Variants in IPO11 observed in about 807,000 individuals in gnomAD.
IPO11 encodes importin-11.
Under a neutral mutation model 143.2 loss-of-function variants are expected in IPO11, and 66 were observed. The ratio of observed to expected loss-of-function variants is 0.46; its 90% CI spans 0.38 to 0.57. The LOEUF (loss-of-function observed/expected upper bound fraction) is 0.57. Among genes scored for constraint, IPO11 ranks in the 20% least tolerant of loss-of-function variants. IPO11 has a pLI of 0.00. For synonymous variants in IPO11, 385 were observed against 377.8 expected (o/e 1.02, Z -0.22); for missense variants, 1,026 against 1,141.0 (o/e 0.90, Z 1.45).
At chr5:62,522,316 A>C (rs112554207) in intron 20 of IPO11, among the ~76,000 whole-genome samples, 4 of 148,856 alleles carry the variant, frequency 2.7e-5, no homozygotes, top group Non-Finnish European at 5.9e-5. Flanking sequence ...ACAGGATCTC[A>C]CTCTGTTGCC....
At chr5:62,575,385 C>T (rs912257667) in intron 27 of IPO11, among the ~76,000 whole-genome samples, 1 of 152,216 alleles carries the variant, frequency 6.6e-6, no homozygotes, top group African/African-American at 2.4e-5. Context: ...TGGTCTCTTA[C>T]TCCTCAGTAC....
At chr5:62,466,598 G>A (rs1412104778) in intron 5 of IPO11, among the ~76,000 whole-genome samples, 1 of 152,192 alleles carries the variant, frequency 6.6e-6, no homozygotes, top group African/African-American at 2.4e-5. Flanking sequence ...CATTCTTAAT[G>A]TGAGGGTCAG....
chr5:62,561,965 C>T (rs1170895198), intron 27 of IPO11: 1 of 152,210 alleles, frequency 6.6e-6, no homozygotes, highest in Non-Finnish European at 1.5e-5. Flanking sequence ...GACAACTGCA[C>T]ATGGATGTGG....
At chr5:62,548,233 T>A (rs908599975) in intron 24 of IPO11, among the ~76,000 whole-genome samples, 1 of 151,890 alleles carries the variant, frequency 6.6e-6, no homozygotes. Flanking sequence ...CTGGAAGTAA[T>A]ACTTACCTTT....
chr5:62,434,016 A>G (rs1187436586), intron 1 of IPO11, among the ~76,000 whole-genome samples: 1 of 152,098 alleles, frequency 6.6e-6, no homozygotes, highest in Non-Finnish European at 1.5e-5. Flanking sequence ...TTATACCTAT[A>G]TGAAAAGCCT....
intron 1 of IPO11, among the ~76,000 whole-genome samples, chr5:62,421,237 C>T (rs1431118927): frequency 6.6e-6 from 1 of 152,126 alleles, no homozygotes; most frequent in Non-Finnish European, 1.5e-5. Context: ...CACAAGGGTT[C>T]CTTGTATATT....
chr5:62,558,584 G>C (rs531554494), intron 26 of IPO11, among the ~76,000 whole-genome samples: 2 of 152,112 alleles, frequency 1.3e-5, no homozygotes, highest in African/African-American at 2.4e-5. Flanking sequence ...ACTGGCAAAA[G>C]TAAAGAATTT....
intron 19 of IPO11, among the ~76,000 whole-genome samples, chr5:62,513,603 C>T (rs1326749851): frequency 3.4e-5 from 5 of 146,528 alleles, no homozygotes; most frequent in South Asian, 2.2e-4. Flanking sequence ...CCTGGCTGGG[C>T]AGAGGGACTC....
chr5:62,442,406 A>C (rs971736949), intron 2 of IPO11, among the ~76,000 whole-genome samples: 1 of 152,216 alleles, frequency 6.6e-6, no homozygotes, highest in Non-Finnish European at 1.5e-5. Flanking sequence ...CACACCTTAA[A>C]GCAGAATAGT....
intron 1 of IPO11, among the ~76,000 whole-genome samples, chr5:62,434,917 TGGGAGGCTAAGGCAG>T (rs1269843238): frequency 2.7e-5 from 4 of 150,918 alleles, no homozygotes; most frequent in African/African-American, 9.8e-5. Context: ...CGCAGCTACT[TGGGAGGCTAAGGCAG>T]GAGAATCACT....
chr5:62,451,312 C>G (rs1744917947), intron 4 of IPO11, among the ~76,000 whole-genome samples: 1 of 152,020 alleles, frequency 6.6e-6, no homozygotes, highest in Admixed American at 6.6e-5. Context: ...AAATAAAATA[C>G]TCATCAACAT....
intron 19 of IPO11, among the ~76,000 whole-genome samples, chr5:62,507,535 A>T (rs994645049): frequency 6.6e-6 from 1 of 152,204 alleles, no homozygotes; most frequent in Admixed American, 6.5e-5. Flanking sequence ...AATGGTAAAG[A>T]TAATTCTGAA....
intron 9 of IPO11, among the ~76,000 whole-genome samples, chr5:62,480,906 A>ATTTTTTTTTTTT (rs34947365): frequency 1.2e-5 from 1 of 84,964 alleles, no homozygotes; most frequent in Non-Finnish European, 2.3e-5. Flanking sequence ...TTCCTCTTTC[A>ATTTTTTTTTTTT]TTTTTTTTTT....
At chr5:62,543,594 T>G (rs1024641961) in intron 24 of IPO11, among the ~76,000 whole-genome samples, 10 of 152,196 alleles carry the variant, frequency 6.6e-5, no homozygotes, top group Non-Finnish European at 1.5e-4. Flanking sequence ...TTATTAGTCT[T>G]GCTAGTGGTC....
At chr5:62,424,584 G>GT (rs776732789) in intron 1 of IPO11, among the ~76,000 whole-genome samples, 408 of 139,006 alleles carry the variant, frequency 2.9e-3, no homozygotes, top group South Asian at 9.0e-3. Flanking sequence ...CCTGGCTAAG[G>GT]TTTTTTTTTT....
intron 19 of IPO11, among the ~76,000 whole-genome samples, chr5:62,508,554 T>C (rs1020356567): frequency 7.9e-5 from 12 of 151,884 alleles, no homozygotes; most frequent in Non-Finnish European, 1.6e-4. Flanking sequence ...CTTCTTTCTT[T>C]CTTCTTTCTT....
At chr5:62,473,651 A>C (rs1316557662) in intron 7 of IPO11, among the ~76,000 whole-genome samples, 2 of 152,108 alleles carry the variant, frequency 1.3e-5, no homozygotes, top group African/African-American at 4.8e-5. Flanking sequence ...AGACTACCTC[A>C]TTTGCTAATT....
intron 27 of IPO11, chr5:62,581,577 TCTTGAAAGGTGGCACTATTTATA>T: frequency 3.2e-6 from 1 of 313,406 alleles, no homozygotes; most frequent in Non-Finnish European, 5.9e-6. Context: ...CTGTGAATAG[TCTTGAAAGGTGGCACTATTTATA>T]CTTTACAGGT....
intron 12 of IPO11, among the ~76,000 whole-genome samples, chr5:62,487,394 C>CA (rs574848442): frequency 1.2e-4 from 17 of 142,596 alleles, no homozygotes; most frequent in South Asian, 4.5e-4. Context: ...GACTGTGTCT[C>CA]AAAAAAAAAA....
Sources: allele counts gnomAD v4.1 joint callset (sites outside exome capture counted in the v4.1 genomes callset), GRCh38; gene constraint gnomAD v4.1.1; transcripts MANE v1.5; gene names NCBI Gene and HGNC (gene_info 2026-07-23, HGNC 2026-07-21).